LRRFIP1: variants seen among roughly 807,000 people sequenced by gnomAD.
LRRFIP1 encodes the protein leucine-rich repeat flightless-interacting protein 1.
In LRRFIP1, 62 loss-of-function variants were observed where a neutral mutation model predicts 104.4. That is an observed-to-expected ratio of 0.59 (90% CI 0.48 to 0.73). The LOEUF (loss-of-function observed/expected upper bound fraction) is 0.73. Among genes scored for constraint, LRRFIP1 ranks in the 30% least tolerant of loss-of-function variants. The pLI, the probability that LRRFIP1 is intolerant of heterozygous loss-of-function variation, is 0.00. For synonymous variants in LRRFIP1, 300 were observed against 299.0 expected (o/e 1.00, Z -0.03); for missense variants, 796 against 824.5 (o/e 0.97, Z 0.42).
At position 237,711,407 on chromosome 2, in the gene LRRFIP1, A is replaced by G. The variant is rs145110727; in HGVS notation, c.183+2777A>G. ...CGCCCTGTTGCAAATTCGGCGGAACATCCGCCACTGAGAGCGGTGGTTTTG... is the reference window on the plus strand; with the variant it reads ...CGCCCTGTTGCAAATTCGGCGGAACGTCCGCCACTGAGAGCGGTGGTTTTG... On this transcript the variant is annotated intron_variant, in intron 2 of 23. Coordinates refer to ENST00000308482, the MANE Select transcript of LRRFIP1 (RefSeq NM_001137550.2). The surrounding 1 kb of genome is among the most constrained non-coding windows in gnomAD (Gnocchi z 4.4). Among the ~76,000 whole-genome samples, 2 of 152,358 alleles carry G rather than the reference A, an allele frequency of 1.3e-5. No individual in the cohort carries two copies. Among genetic ancestry groups the G allele is most frequent in the Non-Finnish European group, 2.9e-5 (2 of 68,032 alleles).
In LRRFIP1 at chr2:237,687,447, A is replaced by G. The variant is rs1256074335; in HGVS notation, c.97-21097A>G. Among the ~76,000 whole-genome samples the G allele has an allele frequency of 2.0e-5, 3 of 152,000 alleles. No individual in the cohort carries two copies. In the East Asian group the frequency reaches 5.8e-4, roughly 29 times the overall value. ...TGGTGAAACCCCATCTCTACTAAAA[A>G]TACAAAACTAGCTGGGCGTGGTGGC... is the stretch of plus-strand genomic sequence containing the variant. On this transcript the variant is annotated intron_variant, in intron 1 of 23. Transcript: ENST00000308482.
intron 19 of LRRFIP1, 36 bp downstream of exon 19, chr2:237,760,241 T>C (rs779039432): frequency 1.9e-6 from 3 of 1,610,424 alleles, no homozygotes; most frequent in Non-Finnish European, 2.5e-6. Context: ...CTCACACCTT[T>C]CCACTCAGCA....
chr2:237,712,536 A>C (rs2094144867), intron 2 of LRRFIP1, among the ~76,000 whole-genome samples: 2 of 152,240 alleles, frequency 1.3e-5, no homozygotes, highest in African/African-American at 2.4e-5. Context: ...ATAAATACAG[A>C]ATGAGTAGCT....
rs563199266 is a variant in LRRFIP1 at position 237,748,089 on chromosome 2, C to T, written c.634-275C>T. On this transcript the variant is annotated intron_variant, in intron 11 of 23. Coordinates refer to ENST00000308482, the MANE Select transcript of LRRFIP1 (RefSeq NM_001137550.2). Reference sequence around the variant, plus strand: ...ATGTGCACCCTCTCTTGTAGTTCCACAGCCCGCTGTGGGTCCCACTGAGAC... The same window carrying T: ...ATGTGCACCCTCTCTTGTAGTTCCATAGCCCGCTGTGGGTCCCACTGAGAC... 8.5e-4 allele frequency among the ~76,000 whole-genome samples: 130 copies of T among 152,314 alleles called. 1 individual carries two copies. The highest frequency in any genetic ancestry group is 3.0e-3 in the African/African-American group (126 of 41,558).
intron 1 of LRRFIP1, among the ~76,000 whole-genome samples, chr2:237,642,279 G>A (rs191021631): frequency 7.1e-4 from 108 of 152,364 alleles, no homozygotes; most frequent in African/African-American, 2.4e-3. Context: ...AGACTCAGAG[G>A]CCGAGGCCTG....
At chr2:237,646,651 G>T (rs1490076950) in intron 1 of LRRFIP1, among the ~76,000 whole-genome samples, 1 of 151,900 alleles carries the variant, frequency 6.6e-6, no homozygotes. Flanking sequence ...GTGGGGCCCT[G>T]ATCCAATAGA....
chr2:237,762,491 C>T, intron 19 of LRRFIP1: 1 of 820,992 alleles, frequency 1.2e-6, no homozygotes, highest in Admixed American at 2.9e-5. Context: ...TTTGATGACT[C>T]TGTCTTTAGG....
At chr2:237,745,206 C>T (rs531316487) in intron 11 of LRRFIP1, among the ~76,000 whole-genome samples, 297 of 152,296 alleles carry the variant, frequency 2.0e-3, no homozygotes, top group Non-Finnish European at 3.3e-3. Context: ...CTGGTGGACA[C>T]GAGTGGGGCT....
chr2:237,670,893 G>T (rs1341045822), intron 1 of LRRFIP1, among the ~76,000 whole-genome samples: 1 of 152,202 alleles, frequency 6.6e-6, no homozygotes, highest in African/African-American at 2.4e-5. Flanking sequence ...CAGCGGCAGG[G>T]TCTCCTCCTC....
intron 10 of LRRFIP1, among the ~76,000 whole-genome samples, chr2:237,738,999 ACT>A (rs1196299043): frequency 6.6e-6 from 1 of 152,116 alleles, no homozygotes; most frequent in East Asian, 1.9e-4. Flanking sequence ...CTTCTTCCTA[ACT>A]CTGAGAAATT....
chr2:237,679,340 G>A (rs2091535296), intron 1 of LRRFIP1, among the ~76,000 whole-genome samples: 1 of 152,194 alleles, frequency 6.6e-6, no homozygotes, highest in African/African-American at 2.4e-5. Context: ...CAAAGCTACT[G>A]TGTCCTGATT....
intron 19 of LRRFIP1, chr2:237,768,710 A>G (rs918889343): frequency 6.6e-6 from 1 of 152,226 alleles, no homozygotes; most frequent in Non-Finnish European, 1.5e-5. Flanking sequence ...GTGCCTTTCA[A>G]AACAACTTAG....
chr2:237,699,656 CAG>C (rs1471668288), intron 1 of LRRFIP1, among the ~76,000 whole-genome samples: 2 of 152,214 alleles, frequency 1.3e-5, no homozygotes, highest in African/African-American at 4.8e-5. Flanking sequence ...CCGGCCAAAA[CAG>C]TGGTTTTTCT....
Position 237,708,505 on chromosome 2 carries a change from G to A in LRRFIP1, c.97-39G>A, listed in dbSNP as rs768054557. The A allele has an allele frequency of 2.2e-5, 33 of 1,490,598 alleles. No homozygotes were observed. In the East Asian group the frequency reaches 4.2e-4, roughly 19 times the overall value. 92.3% of individuals were successfully genotyped at this position (1,490,598 alleles called of 1,614,324 possible). ...CTGACCCTGTACTGGGAAGGTGCCC[G>A]CTGCTCTGTCCTCTAATAAGATGCC... On this transcript the variant is annotated intron_variant, in intron 1 of 23. Coordinates refer to ENST00000308482, the MANE Select transcript of LRRFIP1 (RefSeq NM_001137550.2).
In LRRFIP1 at chr2:237,733,746, A is replaced by G. The variant is rs574126909; in HGVS notation, c.445-28A>G. 6.2e-6 allele frequency: 10 copies of G among 1,613,416 alleles called. 1 individual carries two copies. The South Asian group carries it at 9.9e-5, about 16-fold the overall frequency. ...TGTTGCTGTTTTTTCAAGGCTTTTA[A>G]AACCTGCCATTTGCTTTCATCCTCC... On this transcript the variant is annotated intron_variant, in intron 8 of 23. Coordinates refer to ENST00000308482, the MANE Select transcript of LRRFIP1 (RefSeq NM_001137550.2).
intron 23 of LRRFIP1, among the ~76,000 whole-genome samples, chr2:237,778,058 T>C (rs2061240224): frequency 6.6e-6 from 1 of 152,238 alleles, no homozygotes; most frequent in East Asian, 1.9e-4. Flanking sequence ...TTTGGTTTTC[T>C]GTATCTGACA....
chr2:237,771,689 G>A (rs1260328891), intron 20 of LRRFIP1, among the ~76,000 whole-genome samples: 1 of 152,036 alleles, frequency 6.6e-6, no homozygotes, highest in Non-Finnish European at 1.5e-5. Flanking sequence ...TGGCCTGGAC[G>A]CTGAGAAAGC....
At chr2:237,644,692 T>C (rs1323434802) in intron 1 of LRRFIP1, among the ~76,000 whole-genome samples, 1 of 152,270 alleles carries the variant, frequency 6.6e-6, no homozygotes, top group Non-Finnish European at 1.5e-5. Flanking sequence ...TTCCCACTAA[T>C]GTCTCTTTTC....
intron 11 of LRRFIP1, among the ~76,000 whole-genome samples, chr2:237,742,132 G>T (rs1417946942): frequency 6.6e-6 from 1 of 152,200 alleles, no homozygotes; most frequent in African/African-American, 2.4e-5. Flanking sequence ...TTTGTCATGT[G>T]TTTTCTAAAT....
Sources: gnomAD v4.1 joint callset for allele counts (sites outside exome capture counted in the v4.1 genomes callset) on GRCh38, gnomAD v4.1.1 for gene constraint, Gnocchi (gnomAD v3.1) non-coding constraint, MANE v1.5 for transcripts, NCBI Gene and HGNC (gene_info 2026-07-23, HGNC 2026-07-21) for gene names.